Variants in CDH12 observed in about 807,000 individuals in gnomAD.
CDH12 encodes cadherin-12.
In CDH12, 41 loss-of-function variants were observed where a neutral mutation model predicts 74.1. The ratio of observed to expected loss-of-function variants is 0.55; its 90% CI spans 0.43 to 0.72. CDH12 has a LOEUF of 0.72. CDH12 is among the 30% of genes least tolerant of loss of function. The probability of loss-of-function intolerance (pLI) is 0.00; values close to 1 mark genes in which losing one functional copy is unlikely to be tolerated. For missense variants in CDH12, 945 were observed against 977.2 expected (o/e 0.97, Z 0.44); for synonymous variants, 399 against 355.0 (o/e 1.12, Z -1.39).
chr5:22,834,669 G>A (rs563152830), intron 1 of CDH12, among the ~76,000 whole-genome samples: 1 of 152,122 alleles, frequency 6.6e-6, no homozygotes, highest in Non-Finnish European at 1.5e-5. Flanking sequence ...TAATATTAAG[G>A]GGCATGTACT....
At chr5:22,134,890 C>T (rs1051366675) in intron 4 of CDH12, among the ~76,000 whole-genome samples, 51 of 151,618 alleles carry the variant, frequency 3.4e-4, no homozygotes, top group African/African-American at 1.1e-3. Context: ...CAAACCTCCA[C>T]ACACTCCCCC....
intron 1 of CDH12, among the ~76,000 whole-genome samples, chr5:22,840,854 G>C (rs1737052542): frequency 6.6e-6 from 1 of 152,162 alleles, no homozygotes; most frequent in Non-Finnish European, 1.5e-5. Context: ...AACTAGCCAA[G>C]TAGGTGGCTG....
At chr5:21,950,801 T>TATTATTA (rs55824013) in intron 6 of CDH12, among the ~76,000 whole-genome samples, 1 of 145,242 alleles carries the variant, frequency 6.9e-6, no homozygotes, top group Non-Finnish European at 1.5e-5. Context: ...TTATTATTAT[T>TATTATTA]TTGAGACAGA....
At chr5:22,399,350 T>A (rs1742612330) in intron 3 of CDH12, among the ~76,000 whole-genome samples, 5 of 152,036 alleles carry the variant, frequency 3.3e-5, no homozygotes, top group Admixed American at 3.3e-4. Flanking sequence ...TACTAAGTAA[T>A]TTTTTTGAGA....
At chr5:22,447,042 A>G (rs1580658590) in intron 2 of CDH12, among the ~76,000 whole-genome samples, 1 of 152,078 alleles carries the variant, frequency 6.6e-6, no homozygotes, top group East Asian at 1.9e-4. Context: ...TTAGCATACT[A>G]AGTATATTTA....
chr5:21,990,275 TTTG>T (rs1285309310), intron 5 of CDH12, among the ~76,000 whole-genome samples: 15 of 152,106 alleles, frequency 9.9e-5, no homozygotes, highest in Non-Finnish European at 1.9e-4. Flanking sequence ...ATCTTTAAAT[TTTG>T]TTGTTGTTGT....
At chr5:22,017,611 T>G (rs1368178120) in intron 5 of CDH12, among the ~76,000 whole-genome samples, 1 of 152,146 alleles carries the variant, frequency 6.6e-6, no homozygotes. Context: ...AAACTGTCCT[T>G]CTATTGAATG....
chr5:22,281,139 T>C (rs955979460), intron 3 of CDH12, among the ~76,000 whole-genome samples: 2 of 152,148 alleles, frequency 1.3e-5, no homozygotes, highest in South Asian at 2.1e-4. Flanking sequence ...ATTATTTCAA[T>C]AGATGCAGAA....
Position 22,284,980 on chromosome 5 carries a change from A to G in CDH12, c.-332-72337T>C, listed in dbSNP as rs533988484. Among the ~76,000 whole-genome samples, 11 of 152,228 alleles carry G rather than the reference A, an allele frequency of 7.2e-5. No homozygotes were observed. In the South Asian group the frequency reaches 1.5e-3, roughly 20 times the overall value. On this transcript the variant is annotated intron_variant, in intron 3 of 14. Transcript: ENST00000382254. The stretch of plus-strand genomic sequence containing the variant: ...AAAAAAAAGCATTGAGCAAAGTACA[A>G]TTAAGTGTGTGTAAAGAATATAAAA...
At chr5:21,765,789 C>A (rs1168659207) in intron 11 of CDH12, among the ~76,000 whole-genome samples, 1 of 152,004 alleles carries the variant, frequency 6.6e-6, no homozygotes, top group African/African-American at 2.4e-5. Flanking sequence ...TTGGTCCCAC[C>A]TATGGATTAT....
intron 1 of CDH12, among the ~76,000 whole-genome samples, chr5:22,605,072 A>AC (rs1737031436): frequency 6.6e-6 from 1 of 151,730 alleles, no homozygotes; most frequent in Admixed American, 6.6e-5. Context: ...TCTTTCAGTA[A>AC]AGACTACCCT....
intron 5 of CDH12, among the ~76,000 whole-genome samples, chr5:22,024,499 TTATC>T (rs1305251552): frequency 1.2e-4 from 18 of 151,918 alleles, no homozygotes; most frequent in Admixed American, 4.6e-4. Context: ...TTTACTTTAT[TTATC>T]TATCTATTTA....
At chr5:22,193,795 A>T (rs4701572) in intron 4 of CDH12, among the ~76,000 whole-genome samples, 148,616 of 152,028 alleles carry the variant, frequency 0.98, 72,759 homozygotes, top group East Asian at 1. Context: ...CTTTCACTGC[A>T]GTAGAGAATA....
chr5:21,960,871 T>C (rs1359707597), intron 6 of CDH12, among the ~76,000 whole-genome samples: 1 of 152,088 alleles, frequency 6.6e-6, no homozygotes, highest in Admixed American at 6.6e-5. Context: ...ATTTAATCAA[T>C]ATCTCAATCA....
chr5:21,934,921 C>A (rs1301076954), intron 6 of CDH12, among the ~76,000 whole-genome samples: 2 of 152,094 alleles, frequency 1.3e-5, no homozygotes, highest in Admixed American at 6.5e-5. Flanking sequence ...CGAGTAACTG[C>A]GACTACAGGC....
chr5:22,626,281 G>A (rs1372605277), intron 1 of CDH12, among the ~76,000 whole-genome samples: 1 of 152,182 alleles, frequency 6.6e-6, no homozygotes, highest in Non-Finnish European at 1.5e-5. Flanking sequence ...TCTGACACAT[G>A]CGGGCAAACA....
intron 1 of CDH12, among the ~76,000 whole-genome samples, chr5:22,631,227 C>T (rs1738568190): frequency 6.6e-6 from 1 of 152,098 alleles, no homozygotes. Flanking sequence ...AGCAGTTTGG[C>T]AACTCCTCAA....
intron 5 of CDH12, among the ~76,000 whole-genome samples, chr5:22,016,587 T>A (rs754039322): frequency 1.3e-5 from 2 of 152,062 alleles, no homozygotes; most frequent in Non-Finnish European, 2.9e-5. Context: ...GGTTTCACCA[T>A]GTTGGCCAGG....
At chr5:22,202,425 G>A (rs537161182) in intron 4 of CDH12, among the ~76,000 whole-genome samples, 1 of 152,198 alleles carries the variant, frequency 6.6e-6, no homozygotes, top group South Asian at 2.1e-4. Context: ...ATTAGTTTCA[G>A]CTAATATTAG....
Sources: allele counts gnomAD v4.1 joint callset (sites outside exome capture counted in the v4.1 genomes callset), GRCh38; gene constraint gnomAD v4.1.1; transcripts MANE v1.5; gene names NCBI Gene and HGNC (gene_info 2026-07-23, HGNC 2026-07-21).